The following PIH1D2 variants were observed in gnomAD, a reference collection of about 807,000 sequenced individuals.
The protein encoded by PIH1D2 is PIH1 domain containing 2.
A neutral mutation model predicts 31.2 loss-of-function variants in PIH1D2; 25 were observed. The ratio of observed to expected loss-of-function variants is 0.80; its 90% confidence interval spans 0.58 to 1.12. The LOEUF is 1.12. Among genes scored for constraint, PIH1D2 ranks in the 50% most tolerant of loss-of-function variants. The pLI is 0.00. For missense variants in PIH1D2, 310 were observed against 356.6 expected, an observed-to-expected ratio of 0.87 and a Z score of 1.05; for synonymous variants, 116 against 119.9, an observed-to-expected ratio of 0.97 and a Z score of 0.21.
At chr11:112,072,955 T>C (rs782397454) in intron 2 of PIH1D2, 43 bp downstream of exon 2, 1 of 1,519,430 alleles carries the variant, frequency 6.6e-7, no homozygotes, top group African/African-American at 1.4e-5. Context: ...TCTGGGATCA[T>C]TTCATTCAAG....
intron 5 of PIH1D2, among the ~76,000 whole-genome samples, chr11:112,068,489 TA>T (rs1416617548): frequency 6.6e-6 from 1 of 152,032 alleles, no homozygotes; most frequent in Non-Finnish European, 1.5e-5. Flanking sequence ...CAAGTCAAAT[TA>T]AAAGGGAATT....
chr11:112,056,380 T>C, the PIH1D2 span, among the ~76,000 whole-genome samples: 3 of 152,204 alleles, frequency 2.0e-5, no homozygotes, highest in Admixed American at 1.3e-4. Context: ...CAATTTGTTA[T>C]AGTGCTTGAG....
chr11:112,071,532 T>C (rs11214075), intron 3 of PIH1D2, 103 bp downstream of exon 3: 503,385 of 1,392,352 alleles, frequency 0.36, 94,648 homozygotes, highest in East Asian at 0.57. Flanking sequence ...GTAATTATAT[T>C]ATCAACAAAT....
chr11:112,066,637 C>CAA (rs34049901), downstream of PIH1D2, among the ~76,000 whole-genome samples: 512 of 144,368 alleles, frequency 3.5e-3, 7 homozygotes, highest in African/African-American at 8.9e-3. Flanking sequence ...GATTCCGTCT[C>CAA]AAAAAAAAAA....
At chr11:112,072,879 CA>C in intron 2 of PIH1D2, 118 bp downstream of exon 2, 1 of 1,083,134 alleles carries the variant, frequency 9.2e-7, no homozygotes, top group South Asian at 2.1e-5. Context: ...CAAAACAAAA[CA>C]AAACAAAACA....
At chr11:112,062,554 A>C (rs782786567), downstream of PIH1D2, 20 of 1,611,562 alleles carry the variant, frequency 1.2e-5, no homozygotes, top group Admixed American at 1.5e-4. Flanking sequence ...AGAATTTCTA[A>C]ACTCTCCCAG....
downstream of PIH1D2, chr11:112,060,083 GCTTT>G (rs782069601): frequency 3.2e-5 from 51 of 1,605,524 alleles, no homozygotes; most frequent in Non-Finnish European, 1.1e-5. Flanking sequence ...ATTAATTATT[GCTTT>G]CTAATTATGT....
intron 1 of PIH1D2, 65 bp from the exon 2 acceptor site, chr11:112,073,270 G>T: frequency 8.3e-7 from 1 of 1,209,384 alleles, no homozygotes; most frequent in East Asian, 2.5e-5. Flanking sequence ...TTCTGCTTTG[G>T]GGAGGTGGAA....
At chr11:112,064,747 T>C (rs1864847507), downstream of PIH1D2, among the ~76,000 whole-genome samples, 1 of 152,122 alleles carries the variant, frequency 6.6e-6, no homozygotes, top group African/African-American at 2.4e-5. Context: ...ATGTTCATCA[T>C]GTGTAATGCA....
At position 112,070,438 on chromosome 11, in the gene PIH1D2, C is replaced by T. The variant is rs782276214; in HGVS notation, c.811G>A (p.Glu271Lys). The T allele has an allele frequency of 3.7e-6, 6 of 1,613,116 alleles. No homozygotes were observed. The East Asian group carries it at 1.3e-4, about 36-fold the overall frequency. ...ACAGTGTTATCTATTCAACTTACCT[C>T]AGAAACACTAAGGTCACAGAGAGAG... ...SVSLCDLSVS[E>K]DDLLIEVSEK... is the part of the protein sequence containing the mutation. Residue 271 changes from glutamate (E) to lysine (K), a missense_variant and splice_region_variant, in exon 5 of 6, where the codon GAG becomes AAG. By Grantham distance (56) the Glu-to-Lys change is moderately conservative. Transcript: ENST00000280350.
chr11:112,073,833 A>G (rs1865231876), intron 1 of PIH1D2, 147 bp downstream of exon 1: 1 of 152,398 alleles, frequency 6.6e-6, no homozygotes, highest in Admixed American at 6.5e-5. Flanking sequence ...CTTTAGAATG[A>G]GGAAAAGAGG....
intron 2 of PIH1D2, 109 bp downstream of exon 2, chr11:112,072,880 AAAACAAAAC>A (rs1865178341): frequency 5.4e-6 from 6 of 1,108,232 alleles, no homozygotes; most frequent in Non-Finnish European, 7.3e-6. Context: ...AAAACAAAAC[AAAACAAAAC>A]AAAAAAAAAA....
downstream of PIH1D2, among the ~76,000 whole-genome samples, chr11:112,065,201 T>C (rs1004809873): frequency 1.7e-4 from 26 of 152,316 alleles, no homozygotes; most frequent in African/African-American, 4.8e-4. Flanking sequence ...CAGTCCATAG[T>C]TCATTATTAG....
chr11:112,067,713 T>TA (rs1555184023), downstream of PIH1D2: 5 of 255,824 alleles, frequency 2.0e-5, no homozygotes, highest in South Asian at 3.5e-5. Context: ...TATATATATA[T>TA]TTGACATAAC....
chr11:112,058,956 G>A (rs893081588), downstream of PIH1D2, among the ~76,000 whole-genome samples: 6 of 151,494 alleles, frequency 4.0e-5, no homozygotes, highest in Non-Finnish European at 7.4e-5. Context: ...TATTTTCAGT[G>A]TTAAAAAGGT....
At chr11:112,060,024 A>G (rs143152014), downstream of PIH1D2, 409 of 1,614,086 alleles carry the variant, frequency 2.5e-4, 1 homozygote, top group Non-Finnish European at 1.9e-4. Context: ...TTCTTTAGCA[A>G]CCAAAGCAAG....
downstream of PIH1D2, among the ~76,000 whole-genome samples, chr11:112,062,117 G>C (rs1864670864): frequency 6.6e-6 from 1 of 152,082 alleles, no homozygotes; most frequent in Admixed American, 6.6e-5. Context: ...CAAATAATCT[G>C]CCATTGTAGT....
the PIH1D2 span, among the ~76,000 whole-genome samples, chr11:112,053,969 C>T: frequency 6.6e-6 from 1 of 152,026 alleles, no homozygotes; most frequent in African/African-American, 2.4e-5. Context: ...CATACACACA[C>T]ATAACACCAT....
intron 3 of PIH1D2, 113 bp downstream of exon 3, chr11:112,071,522 G>T: frequency 7.3e-7 from 1 of 1,366,628 alleles, no homozygotes; most frequent in Non-Finnish European, 1.0e-6. Flanking sequence ...TACACTAATT[G>T]TAATTATATT....
Sources: allele counts gnomAD v4.1 joint callset (sites outside exome capture counted in the v4.1 genomes callset), GRCh38; gene constraint gnomAD v4.1.1; transcripts MANE v1.5; gene names NCBI Gene and HGNC (gene_info 2026-07-23, HGNC 2026-07-21).